Variants in ABR observed in about 807,000 individuals in gnomAD.
ABR encodes the protein ABR activator of RhoGEF and GTPase.
In ABR, 35 loss-of-function variants were observed where a neutral mutation model predicts 107.2. The ratio of observed to expected loss-of-function variants is 0.33; its 90% CI spans 0.25 to 0.43. The LOEUF (loss-of-function observed/expected upper bound fraction) is 0.43. ABR is among the 20% of genes least tolerant of loss of function. The probability of loss-of-function intolerance (pLI) is 1.00; values close to 1 mark genes in which losing one functional copy is unlikely to be tolerated. For synonymous variants in ABR, 498 were observed against 462.0 expected, an observed-to-expected ratio of 1.08 and a Z score of -1.00; for missense variants, 815 against 1,115.2, an observed-to-expected ratio of 0.73 and a Z score of 3.83.
chr17:1,036,361 G>A (rs2073176789), intron 16 of ABR, among the ~76,000 whole-genome samples: 1 of 152,174 alleles, frequency 6.6e-6, no homozygotes, highest in Non-Finnish European at 1.5e-5. Flanking sequence ...GGGACCGAGG[G>A]GATGTGGCTC....
chr17:1,125,525 G>T, intron 1 of ABR, 158 bp from the exon 2 acceptor site: 2 of 602,950 alleles, frequency 3.3e-6, no homozygotes, highest in Non-Finnish European at 5.0e-6. Flanking sequence ...CCTGGGCCTG[G>T]TGAGGGGCGG....
intron 1 of ABR, among the ~76,000 whole-genome samples, chr17:1,147,345 T>C (rs2040596302): frequency 6.7e-6 from 1 of 148,150 alleles, no homozygotes; most frequent in Non-Finnish European, 1.5e-5. Context: ...TCAGCAGTAA[T>C]TTGTGGGGGG....
intron 16 of ABR, among the ~76,000 whole-genome samples, chr17:1,042,191 C>A (rs2030652470): frequency 6.6e-6 from 1 of 152,178 alleles, no homozygotes; most frequent in South Asian, 2.1e-4. Context: ...GACGGATAAA[C>A]AGACATGGCA....
Position 1,051,455 on chromosome 17 carries a change from C to A in ABR, c.1562-821G>T, listed in dbSNP as rs557029334. On this transcript the variant is annotated intron_variant, in intron 14 of 22. Transcript: ENST00000302538. This position sits in a 1 kb window ranked among gnomAD's most constrained non-coding sequence, Gnocchi z 4.3. ...GGAGGGCAGGGCCGGGGGCTTTCCCCGGCATTTCCATCTTCCACCCTGGCC... is the reference window on the plus strand; with the variant it reads ...GGAGGGCAGGGCCGGGGGCTTTCCCAGGCATTTCCATCTTCCACCCTGGCC... Among the ~76,000 whole-genome samples the A allele has an allele frequency of 6.6e-6, 1 of 152,142 alleles. No individual in the cohort carries two copies. Among genetic ancestry groups the A allele is most frequent in the South Asian group, 2.1e-4 (1 of 4,826 alleles).
intron 10 of ABR, among the ~76,000 whole-genome samples, chr17:1,061,759 C>A (rs979196817): frequency 2.6e-5 from 4 of 152,090 alleles, no homozygotes; most frequent in Non-Finnish European, 4.4e-5. Flanking sequence ...GTTGGCCAGG[C>A]TGGTCTTGAA....
In ABR at chr17:1,132,853, C is replaced by T. The variant is rs538782124; in HGVS notation, c.62-7486G>A. On this transcript the variant is annotated intron_variant, in intron 1 of 22. Transcript: ENST00000302538. ...AAAGTTCTATATAGTTTTCACTGTT[C>T]GTGTCAAATTGGCAAGGATTTTAAG... is the stretch of plus-strand genomic sequence containing the variant. Among the ~76,000 whole-genome samples the T allele has an allele frequency of 4.6e-5, 7 of 152,242 alleles. No individual in the cohort carries two copies. The South Asian group carries it at 1.2e-3, about 27-fold the overall frequency.
intron 16 of ABR, among the ~76,000 whole-genome samples, chr17:1,048,637 CCGGGGCCACGG>C (rs2032015527): frequency 7.9e-6 from 1 of 127,346 alleles, no homozygotes; most frequent in South Asian, 2.3e-4. Flanking sequence ...TGGATCACGT[CCGGGGCCACGG>C]TCAAGAAGCT....
rs549565935 is a variant in ABR, at chr17:1,212,894, A to G, written c.838+15899T>C. 1.7e-4 allele frequency among the ~76,000 whole-genome samples: 26 copies of G among 152,280 alleles called. 1 individual carries two copies. The South Asian group carries it at 5.0e-3, about 29-fold the overall frequency. On this transcript the variant is annotated intron_variant, in intron 1 of 22. Transcript: ENST00000574139. ...ACAGAGTGAGACACTGTCTAAAAAA[A>G]AAAAAGAGAGAGAGAGATAAAGAGA...
chr17:1,048,508 G>A (rs764064351), intron 16 of ABR, among the ~76,000 whole-genome samples: 2 of 152,138 alleles, frequency 1.3e-5, no homozygotes, highest in African/African-American at 2.4e-5. Flanking sequence ...TGTTGTAGAC[G>A]GAGCCATCGC....
intron 1 of ABR, among the ~76,000 whole-genome samples, chr17:1,140,111 T>C (rs1192325278): frequency 1.3e-5 from 2 of 152,132 alleles, no homozygotes; most frequent in Non-Finnish European, 2.9e-5. Flanking sequence ...CTGTGGTGCA[T>C]GAGATGATGT....
rs2035190128 is a variant in ABR at position 1,070,944 on chromosome 17, C to T, written c.895-854G>A. Among the ~76,000 whole-genome samples the T allele has an allele frequency of 1.3e-5, 2 of 152,140 alleles. No individual in the cohort carries two copies. The highest frequency in any genetic ancestry group is 2.9e-5 in the Non-Finnish European group (2 of 68,030). ...TTGGGAGGCTGAGGCGGGTGGATCA[C>T]CTGAGGTCAGGAGTTTGAGACCAGC... On this transcript the variant is annotated intron_variant, in intron 8 of 22. Coordinates refer to ENST00000302538, the MANE Select transcript of ABR (RefSeq NM_021962.5). The surrounding 1 kb of genome is among the most constrained non-coding windows in gnomAD (Gnocchi z 4.2).
At position 1,016,908 on chromosome 17, in the gene ABR, G is replaced by T. The variant is rs193137144; in HGVS notation, c.1792-3744C>A. 1.5e-3 allele frequency among the ~76,000 whole-genome samples: 225 copies of T among 152,222 alleles called. 7 individuals are homozygous for T. Among genetic ancestry groups the T allele is most frequent in the African/African-American group, 5.1e-3 (213 of 41,474 alleles). On this transcript the variant is annotated intron_variant, in intron 16 of 22. Transcript: ENST00000302538. ...GCTATAACAGGCCACTGTCATCACG[G>T]AAGGGAAACTGGATCTGGGTCAGCC...
chr17:1,172,750 A>G (rs916064746), intron 1 of ABR, among the ~76,000 whole-genome samples: 1 of 148,330 alleles, frequency 6.7e-6, no homozygotes, highest in Non-Finnish European at 1.5e-5. Flanking sequence ...ACTCCATCTC[A>G]AAAAAAAAAG....
intron 1 of ABR, among the ~76,000 whole-genome samples, chr17:1,216,664 T>G (rs953713169): frequency 4.6e-5 from 7 of 152,308 alleles, no homozygotes; most frequent in African/African-American, 1.4e-4. Flanking sequence ...AGACTGCACT[T>G]AGCCTGGGGC....
At chr17:1,098,287 A>G (rs1195815965) in intron 3 of ABR, among the ~76,000 whole-genome samples, 1 of 151,880 alleles carries the variant, frequency 6.6e-6, no homozygotes, top group East Asian at 1.9e-4. Context: ...CGTGTTGGCC[A>G]AGGATGGTCT....
At chr17:1,115,871 G>C (rs2038962115) in intron 2 of ABR, among the ~76,000 whole-genome samples, 1 of 150,120 alleles carries the variant, frequency 6.7e-6, no homozygotes, top group Non-Finnish European at 1.5e-5. Flanking sequence ...AAGCTGCAGT[G>C]AGCCGAGATC....
chr17:1,031,021 G>A (rs966879705), intron 16 of ABR, among the ~76,000 whole-genome samples: 6 of 152,220 alleles, frequency 3.9e-5, no homozygotes, highest in Admixed American at 1.3e-4. Flanking sequence ...TGGGGCTGCA[G>A]GGGCACCGGC....
intron 1 of ABR, among the ~76,000 whole-genome samples, chr17:1,143,486 C>T (rs1355888204): frequency 8.7e-6 from 1 of 114,814 alleles, no homozygotes; most frequent in African/African-American, 3.4e-5. Flanking sequence ...GGGGGCAGCT[C>T]GCTCCTGGGG....
chr17:1,113,606 C>T (rs769734207), intron 2 of ABR, among the ~76,000 whole-genome samples: 3 of 152,136 alleles, frequency 2.0e-5, no homozygotes, highest in East Asian at 3.9e-4. Flanking sequence ...TTTTTAGATT[C>T]GACTTTAAAC....
Sources: allele counts gnomAD v4.1 joint callset (sites outside exome capture counted in the v4.1 genomes callset), GRCh38; gene constraint gnomAD v4.1.1; non-coding constraint Gnocchi (gnomAD v3.1); transcripts MANE v1.5; gene names NCBI Gene and HGNC (gene_info 2026-07-23, HGNC 2026-07-21).